CAGE1: variants seen among roughly 807,000 people sequenced by gnomAD.
CAGE1 encodes cancer-associated gene 1 protein.
A neutral mutation model predicts 94.9 loss-of-function variants in CAGE1; 66 were observed. That is an observed-to-expected ratio of 0.70 (90% CI 0.57 to 0.85). CAGE1 has a LOEUF of 0.85. Among genes scored for constraint, CAGE1 ranks in the 40% least tolerant of loss-of-function variants. CAGE1 has a pLI of 0.00. For synonymous variants in CAGE1, 319 were observed against 321.0 expected (o/e 0.99, Z 0.07); for missense variants, 865 against 950.4 (o/e 0.91, Z 1.18).
At chr6:7,375,667 C>T (rs1188896601) in intron 4 of CAGE1, among the ~76,000 whole-genome samples, 1 of 152,046 alleles carries the variant, frequency 6.6e-6, no homozygotes, top group African/African-American at 2.4e-5. Flanking sequence ...TCTTGTGGGC[C>T]ATGATCACAC....
intron 11 of CAGE1, among the ~76,000 whole-genome samples, chr6:7,352,290 C>CAAAAAAAAAAAAAAAAAAA (rs77426667): frequency 2.3e-5 from 1 of 43,624 alleles, no homozygotes; most frequent in Non-Finnish European, 5.8e-5. Flanking sequence ...ACAATAGCTG[C>CAAAAAAAAAAAAAAAAAAA]AAAAAAAAAA....
intron 1 of CAGE1, among the ~76,000 whole-genome samples, chr6:7,388,145 G>A (rs1013549384): frequency 2.6e-5 from 4 of 151,756 alleles, no homozygotes; most frequent in African/African-American, 9.7e-5. Flanking sequence ...CAGAGCTCCA[G>A]AGCTGAGAGT....
rs543920927 is a variant in CAGE1, at chr6:7,333,491, A to G, written c.2438+531T>C. Among the ~76,000 whole-genome samples the G allele has an allele frequency of 4.6e-5, 7 of 152,182 alleles. 1 individual carries two copies. The highest frequency in any genetic ancestry group is 1.4e-4 in the African/African-American group (6 of 41,542). Reference sequence around the variant, plus strand: ...ATGAAAGCAGGGAATCTGGCTTTCCATTTTAGGTTCTACAAAAAACATTAA... The same window carrying G: ...ATGAAAGCAGGGAATCTGGCTTTCCGTTTTAGGTTCTACAAAAAACATTAA... On this transcript the variant is annotated intron_variant, in intron 12 of 13. Coordinates refer to ENST00000502583, the MANE Select transcript of CAGE1 (RefSeq NM_001170692.2).
chr6:7,342,094 C>T, intron 11 of CAGE1: 3 of 939,538 alleles, frequency 3.2e-6, no homozygotes, highest in Non-Finnish European at 5.3e-6. Flanking sequence ...GATGTCAATC[C>T]CACAGTTGGA....
intron 9 of CAGE1, among the ~76,000 whole-genome samples, chr6:7,359,973 G>T (rs1277456381): frequency 1.3e-5 from 2 of 152,146 alleles, no homozygotes; most frequent in African/African-American, 4.8e-5. Flanking sequence ...TGTCAACAGG[G>T]CTGCGCTCCT....
At chr6:7,351,302 A>T (rs1388419761) in intron 11 of CAGE1, among the ~76,000 whole-genome samples, 2 of 152,146 alleles carry the variant, frequency 1.3e-5, no homozygotes, top group African/African-American at 4.8e-5. Context: ...TTGAAATGGT[A>T]ATTAAACAAT....
chr6:7,326,856 G>T lies in CAGE1; in HGVS notation c.*2C>A. 1 of 1,565,828 alleles carries T rather than the reference G, an allele frequency of 6.4e-7. No homozygotes were observed. The highest frequency in any genetic ancestry group is 8.8e-7 in the Non-Finnish European group (1 of 1,136,598). On this transcript the variant is annotated 3_prime_UTR_variant, in exon 14 of 14. Transcript: ENST00000502583. ...TGATTACTGTTTAATCTTCAGGCTTGTTTAATCTAAATCATTTCTATTTTC... is the reference window on the plus strand; with the variant it reads ...TGATTACTGTTTAATCTTCAGGCTTTTTTAATCTAAATCATTTCTATTTTC...
chr6:7,363,201 C>G (rs1041725504), intron 9 of CAGE1, among the ~76,000 whole-genome samples: 1 of 152,082 alleles, frequency 6.6e-6, no homozygotes, highest in Admixed American at 6.6e-5. Context: ...ACCCTGGGGG[C>G]GGAGGTTGCA....
In CAGE1 at chr6:7,389,490, G is replaced by A. The variant is rs1761261109; in HGVS notation, c.-312C>T. 5.3e-6 allele frequency: 2 copies of A among 373,928 alleles called. No homozygotes were observed. Among genetic ancestry groups the A allele is most frequent in the Admixed American group, 6.9e-5 (2 of 29,066 alleles). The allele number at this position is 373,928 out of a possible 1,614,324, so 23.2% of individuals were successfully genotyped here. A position where few individuals can be genotyped will look rare whatever the true frequency, so the allele number is the denominator to read the frequency against. Reference sequence around the variant, plus strand: ...CCGCAGAGACAGGTGCAGCCCGCGAGGCCCGAGCGACCCTACTGTGGGTGC... The same window carrying A: ...CCGCAGAGACAGGTGCAGCCCGCGAAGCCCGAGCGACCCTACTGTGGGTGC... On this transcript the variant is annotated 5_prime_UTR_variant, in exon 1 of 14. Coordinates refer to ENST00000502583, the MANE Select transcript of CAGE1 (RefSeq NM_001170692.2).
chr6:7,363,762 G>A (rs1760237097), intron 9 of CAGE1, among the ~76,000 whole-genome samples: 1 of 152,172 alleles, frequency 6.6e-6, no homozygotes, highest in Admixed American at 6.5e-5. Context: ...AGATTTATCG[G>A]TGTGTTCAAG....
At chr6:7,331,904 T>TTTAA (rs1180471374) in intron 12 of CAGE1, among the ~76,000 whole-genome samples, 1 of 152,214 alleles carries the variant, frequency 6.6e-6, no homozygotes, top group Non-Finnish European at 1.5e-5. Flanking sequence ...CCATTTCTAC[T>TTTAA]TTAAGCTTTT....
chr6:7,330,683 G>T (rs1271361429), intron 12 of CAGE1, among the ~76,000 whole-genome samples: 1 of 152,130 alleles, frequency 6.6e-6, no homozygotes, highest in Non-Finnish European at 1.5e-5. Context: ...GAGATCAATT[G>T]GGCCAGTCAT....
At chr6:7,345,330 A>G (rs1759427332) in intron 11 of CAGE1, among the ~76,000 whole-genome samples, 1 of 151,222 alleles carries the variant, frequency 6.6e-6, no homozygotes. Flanking sequence ...GAGACCACTA[A>G]ACCCAGCAGG....
intron 10 of CAGE1, among the ~76,000 whole-genome samples, chr6:7,355,577 G>T (rs1759923381): frequency 1.3e-5 from 2 of 152,238 alleles, no homozygotes; most frequent in East Asian, 3.8e-4. Context: ...TAATGGGGGT[G>T]TTTTATAATA....
chr6:7,341,570 TAGC>T, intron 11 of CAGE1: 1 of 1,135,270 alleles, frequency 8.8e-7, no homozygotes, highest in Non-Finnish European at 1.3e-6. Context: ...CTCTCAGGCC[TAGC>T]TTTAAGCAGG....
At chr6:7,345,348 A>AT (rs1218433285) in intron 11 of CAGE1, among the ~76,000 whole-genome samples, 12 of 142,586 alleles carry the variant, frequency 8.4e-5, no homozygotes, top group Non-Finnish European at 3.1e-5. Flanking sequence ...AGGATGAAAG[A>AT]AACTCTGAAC....
At chr6:7,352,317 A>C (rs1434823376) in intron 11 of CAGE1, among the ~76,000 whole-genome samples, 8 of 89,684 alleles carry the variant, frequency 8.9e-5, no homozygotes, top group Admixed American at 5.1e-4. Flanking sequence ...AAAAAAAAAC[A>C]AAAAAAAAAA....
chr6:7,355,982 G>T, intron 10 of CAGE1, 43 bp downstream of exon 10: 1 of 1,135,490 alleles, frequency 8.8e-7, no homozygotes. Context: ...GGGTGACAGA[G>T]TGAGATCTTG....
intron 9 of CAGE1, among the ~76,000 whole-genome samples, chr6:7,363,105 C>A (rs1760214638): frequency 6.6e-6 from 1 of 152,100 alleles, no homozygotes; most frequent in Admixed American, 6.5e-5. Flanking sequence ...CCTGTCTCTA[C>A]TAAAAATACA....
Sources: gnomAD v4.1 joint callset for allele counts (sites outside exome capture counted in the v4.1 genomes callset) on GRCh38, gnomAD v4.1.1 for gene constraint, MANE v1.5 for transcripts, NCBI Gene and HGNC (gene_info 2026-07-23, HGNC 2026-07-21) for gene names.